The following IPO11 variants were observed in gnomAD, a reference collection of about 807,000 sequenced individuals.
The protein encoded by IPO11 is importin-11.
In IPO11, 66 loss-of-function variants were observed where a neutral mutation model predicts 143.2. The ratio of observed to expected loss-of-function variants is 0.46; its 90% CI spans 0.38 to 0.57. IPO11 has a LOEUF of 0.57. IPO11 is among the 20% of genes least tolerant of loss of function. IPO11 has a pLI of 0.00. For missense variants in IPO11, 1,026 were observed against 1,141.0 expected, an observed-to-expected ratio of 0.90 and a Z score of 1.45; for synonymous variants, 385 against 377.8, an observed-to-expected ratio of 1.02 and a Z score of -0.22.
chr5:62,493,793 T>C (rs1741030410), intron 15 of IPO11, among the ~76,000 whole-genome samples: 1 of 152,168 alleles, frequency 6.6e-6, no homozygotes, highest in African/African-American at 2.4e-5. Flanking sequence ...GGTCTTCAAC[T>C]CCTGGCCTCA....
chr5:62,416,268 C>T (rs1743293978), intron 1 of IPO11, among the ~76,000 whole-genome samples: 2 of 150,872 alleles, frequency 1.3e-5, no homozygotes, highest in African/African-American at 2.4e-5. Context: ...CTGCAACCTC[C>T]GCCTTCCCGG....
intron 5 of IPO11, among the ~76,000 whole-genome samples, chr5:62,466,555 T>C (rs1254544883): frequency 6.6e-6 from 1 of 152,196 alleles, no homozygotes; most frequent in Non-Finnish European, 1.5e-5. Context: ...CTGGAAGATG[T>C]TCTGCCTCAA....
At chr5:62,456,161 G>A (rs1434549679) in intron 5 of IPO11, among the ~76,000 whole-genome samples, 10 of 152,172 alleles carry the variant, frequency 6.6e-5, no homozygotes, top group Admixed American at 2.6e-4. Context: ...ACAGGTGCAC[G>A]TCACCATGCC....
intron 19 of IPO11, among the ~76,000 whole-genome samples, chr5:62,511,944 C>T (rs1741762102): frequency 6.6e-6 from 1 of 151,850 alleles, no homozygotes; most frequent in South Asian, 2.1e-4. Context: ...CAGCCATGGT[C>T]TCAAACTCAG....
intron 1 of IPO11, among the ~76,000 whole-genome samples, chr5:62,430,963 C>T (rs1319427404): frequency 1.3e-5 from 2 of 151,456 alleles, no homozygotes; most frequent in African/African-American, 4.9e-5. Context: ...GTGTGAGCCA[C>T]GTGAGCCACC....
At chr5:62,548,446 G>A (rs920020340) in intron 24 of IPO11, among the ~76,000 whole-genome samples, 13 of 152,148 alleles carry the variant, frequency 8.5e-5, no homozygotes, top group South Asian at 6.2e-4. Context: ...ATGAGGTGCC[G>A]TAATGTAAGT....
intron 26 of IPO11, among the ~76,000 whole-genome samples, chr5:62,557,779 A>G (rs1459078266): frequency 6.6e-6 from 1 of 152,116 alleles, no homozygotes; most frequent in Non-Finnish European, 1.5e-5. Context: ...TGGATTGGAC[A>G]GCTGGTTTGA....
intron 28 of IPO11, among the ~76,000 whole-genome samples, chr5:62,598,617 T>C (rs1483606679): frequency 6.8e-6 from 1 of 146,730 alleles, no homozygotes; most frequent in Non-Finnish European, 1.5e-5. Flanking sequence ...TGATCTCGGC[T>C]CATTGCAACC....
intron 27 of IPO11, among the ~76,000 whole-genome samples, chr5:62,569,201 C>T (rs184971282): frequency 1.3e-5 from 2 of 152,174 alleles, no homozygotes; most frequent in Admixed American, 1.3e-4. Flanking sequence ...ACTTCCTTCT[C>T]TCTCTCCCCC....
intron 5 of IPO11, among the ~76,000 whole-genome samples, chr5:62,465,175 C>T (rs138983492): frequency 1.2e-3 from 177 of 152,314 alleles, no homozygotes; most frequent in Non-Finnish European, 1.5e-3. Flanking sequence ...CTTACCTCTT[C>T]TGCGTCTAAA....
chr5:62,449,857 A>G (rs763842713), intron 3 of IPO11, 70 bp from the exon 4 acceptor site: 30 of 950,740 alleles, frequency 3.2e-5, no homozygotes, highest in Non-Finnish European at 4.4e-5. Context: ...TAAAATTTAC[A>G]GTAATGCTTA....
chr5:62,540,068 T>C (rs2112329376), intron 24 of IPO11, among the ~76,000 whole-genome samples: 1 of 152,342 alleles, frequency 6.6e-6, no homozygotes, highest in Non-Finnish European at 1.5e-5. Flanking sequence ...TTCTCCATTA[T>C]CCAAAGTTCA....
At chr5:62,601,352 T>C (rs1467424702) in intron 28 of IPO11, 1 of 153,432 alleles carries the variant, frequency 6.5e-6, no homozygotes, top group Non-Finnish European at 1.4e-5. Context: ...ATTAATATGT[T>C]TGTGATATTT....
At chr5:62,485,933 T>C (rs1220492219) in intron 12 of IPO11, among the ~76,000 whole-genome samples, 1 of 151,208 alleles carries the variant, frequency 6.6e-6, no homozygotes, top group Admixed American at 6.6e-5. Flanking sequence ...AAGAACTATA[T>C]TCATATTAAA....
intron 9 of IPO11, among the ~76,000 whole-genome samples, chr5:62,481,540 CT>C (rs1200037584): frequency 1.3e-5 from 2 of 152,112 alleles, no homozygotes; most frequent in African/African-American, 2.4e-5. Context: ...ATCTTTGGGT[CT>C]GTTTATGTGA....
At chr5:62,536,849 G>A (rs537027388) in intron 23 of IPO11, 68 bp downstream of exon 23, 414 of 1,345,026 alleles carry the variant, frequency 3.1e-4, no homozygotes, top group Middle Eastern at 2.7e-3. Context: ...TTTGAAATCA[G>A]GGGGTACGTT....
At chr5:62,485,187 G>A (rs990646929) in intron 11 of IPO11, among the ~76,000 whole-genome samples, 1 of 151,992 alleles carries the variant, frequency 6.6e-6, no homozygotes, top group Admixed American at 6.5e-5. Flanking sequence ...AATTTTTATC[G>A]AAAATGAGAA....
intron 9 of IPO11, among the ~76,000 whole-genome samples, chr5:62,480,729 G>T (rs1301063): frequency 0.58 from 88,528 of 151,542 alleles, 26,102 homozygotes; most frequent in South Asian, 0.68. Flanking sequence ...TTATGATTTG[G>T]CTGTTTGTCT....
intron 16 of IPO11, among the ~76,000 whole-genome samples, chr5:62,498,763 A>G (rs1741240973): frequency 6.6e-6 from 1 of 152,150 alleles, no homozygotes; most frequent in Non-Finnish European, 1.5e-5. Flanking sequence ...CCAGCTACTC[A>G]GGAGGTTGAG....
Sources: gnomAD v4.1 joint callset for allele counts (sites outside exome capture counted in the v4.1 genomes callset) on GRCh38, gnomAD v4.1.1 for gene constraint, MANE v1.5 for transcripts, NCBI Gene and HGNC (gene_info 2026-07-23, HGNC 2026-07-21) for gene names.